The following NRG4 variants were observed in gnomAD, a reference collection of about 807,000 sequenced individuals.
The protein encoded by NRG4 is pro-neuregulin-4, membrane-bound isoform.
In NRG4, 10 loss-of-function variants were observed where a neutral mutation model predicts 15.0. That is an observed-to-expected ratio of 0.67 (90% CI 0.41 to 1.13). The LOEUF is 1.13. Among genes scored for constraint, NRG4 ranks in the 50% most tolerant of loss-of-function variants. The probability of loss-of-function intolerance (pLI) is 0.00; values close to 1 mark genes in which losing one functional copy is unlikely to be tolerated. For synonymous variants in NRG4, 41 were observed against 50.1 expected (o/e 0.82, Z 0.77); for missense variants, 139 against 140.2 (o/e 0.99, Z 0.04).
At chr15:75,980,244 A>G (rs1447989607) in intron 3 of NRG4, among the ~76,000 whole-genome samples, 4 of 152,246 alleles carry the variant, frequency 2.6e-5, no homozygotes, top group Non-Finnish European at 4.4e-5. Flanking sequence ...AAAGCACACA[A>G]GAAACTTTCA....
At chr15:75,960,356 G>C (rs2032455361) in intron 4 of NRG4, among the ~76,000 whole-genome samples, 1 of 152,036 alleles carries the variant, frequency 6.6e-6, no homozygotes, top group Non-Finnish European at 1.5e-5. Flanking sequence ...TGGGTGTTCT[G>C]GTTATCTACT....
chr15:75,945,468 C>T (rs2031445197), intron 5 of NRG4, among the ~76,000 whole-genome samples: 1 of 152,048 alleles, frequency 6.6e-6, no homozygotes, highest in African/African-American at 2.4e-5. Context: ...CCAGGCTGGT[C>T]TCGAACTCCT....
At chr15:76,022,588 A>G (rs922682218) in intron 5 of NRG4, among the ~76,000 whole-genome samples, 2 of 152,226 alleles carry the variant, frequency 1.3e-5, no homozygotes, top group African/African-American at 4.8e-5. Flanking sequence ...AGGAAGATCT[A>G]ATGTATTCAA....
intron 3 of NRG4, among the ~76,000 whole-genome samples, chr15:75,964,168 C>T (rs933576319): frequency 5.9e-5 from 9 of 152,026 alleles, no homozygotes; most frequent in Admixed American, 2.0e-4. Flanking sequence ...CACACACACA[C>T]GCACCAATAG....
intron 5 of NRG4, among the ~76,000 whole-genome samples, chr15:76,032,347 G>C (rs1463719581): frequency 2.6e-5 from 4 of 152,028 alleles, no homozygotes; most frequent in African/African-American, 4.8e-5. Flanking sequence ...GAAAACCACA[G>C]TAGAGACCAT....
upstream of NRG4, among the ~76,000 whole-genome samples, chr15:76,017,239 A>G (rs1191109479): frequency 7.7e-6 from 1 of 129,810 alleles, no homozygotes; most frequent in African/African-American, 2.9e-5. Context: ...GTTTCTTTGC[A>G]TATAAGATGG....
chr15:76,019,479 C>A (rs893554174), intron 5 of NRG4, among the ~76,000 whole-genome samples: 1 of 152,174 alleles, frequency 6.6e-6, no homozygotes, highest in Non-Finnish European at 1.5e-5. Context: ...AAACTCAGGG[C>A]CCTGATGGCG....
downstream of NRG4, chr15:75,940,792 CA>C (rs2030878546): frequency 6.8e-6 from 1 of 148,124 alleles, no homozygotes; most frequent in Non-Finnish European, 1.5e-5. Flanking sequence ...GGCTAACTAA[CA>C]AAGTTGCAAC....
chr15:76,049,050 G>GA lies in NRG4; in HGVS notation c.-105+3016dup, dbSNP rs796558649. 8.3e-4 allele frequency among the ~76,000 whole-genome samples: 121 copies of GA among 145,924 alleles called. 3 individuals carry two copies. The highest frequency in any genetic ancestry group is 2.7e-3 in the African/African-American group (104 of 38,786). Reference sequence around the variant, plus strand: ...TAGAGCAATACTCCGTCACATAAAAGAAAAAAAAAATCCAAACAGGATATG... The same window carrying GA: ...TAGAGCAATACTCCGTCACATAAAAGAAAAAAAAAAATCCAAACAGGATATG... On this transcript the variant is annotated intron_variant, in intron 4 of 8. Transcript: ENST00000563910.
At chr15:75,955,364 T>C (rs1385254909) in intron 5 of NRG4, among the ~76,000 whole-genome samples, 1 of 152,198 alleles carries the variant, frequency 6.6e-6, no homozygotes, top group Non-Finnish European at 1.5e-5. Context: ...TTGGCTTACC[T>C]AGTCTATTGC....
chr15:76,051,853 G>A lies in NRG4; in HGVS notation c.-105+214C>T, dbSNP rs189811052. On this transcript the variant is annotated intron_variant, in intron 4 of 8. Coordinates refer to the NRG4 transcript ENST00000563910. Reference sequence around the variant, plus strand: ...CCCAAAGTGCTAGGATTACAGGCGTGAGCCACCGTGCCCAGCCTAATTGAA... The same window carrying A: ...CCCAAAGTGCTAGGATTACAGGCGTAAGCCACCGTGCCCAGCCTAATTGAA... Among the ~76,000 whole-genome samples, 270 of 150,674 alleles carry A rather than the reference G, an allele frequency of 1.8e-3. 2 individuals carry two copies. Among genetic ancestry groups the A allele is most frequent in the African/African-American group, 6.4e-3 (258 of 40,274 alleles).
chr15:76,001,754 TA>T lies in NRG4; in HGVS notation c.104+7445del, dbSNP rs1218506953. Among the ~76,000 whole-genome samples, 10 of 152,334 alleles carry T rather than the reference TA, an allele frequency of 6.6e-5. No homozygotes were observed. In the East Asian group the frequency reaches 7.7e-4, roughly 12 times the overall value. ...TTTAGTACACAGGGAGGAAAAATGT[TA>T]ACAGACATAGAAATGAGAGAAATAT... is the stretch of plus-strand genomic sequence containing the variant. On this transcript the variant is annotated intron_variant, in intron 3 of 5. Coordinates refer to ENST00000394907, the MANE Select transcript of NRG4 (RefSeq NM_138573.4).
At chr15:75,990,686 T>G (rs867682727) in intron 3 of NRG4, among the ~76,000 whole-genome samples, 2 of 131,390 alleles carry the variant, frequency 1.5e-5, no homozygotes, top group South Asian at 4.4e-4. Flanking sequence ...TTTTTTTTGT[T>G]TTTTTTTTTT....
At chr15:76,025,444 A>T (rs945533428) in intron 5 of NRG4, among the ~76,000 whole-genome samples, 1 of 151,984 alleles carries the variant, frequency 6.6e-6, no homozygotes, top group African/African-American at 2.4e-5. Context: ...GTCTCAAAAA[A>T]AAGAGAATAT....
chr15:76,008,887 T>C (rs965366409), intron 3 of NRG4, among the ~76,000 whole-genome samples: 1 of 152,178 alleles, frequency 6.6e-6, no homozygotes, highest in Non-Finnish European at 1.5e-5. Flanking sequence ...GCCAGTAATA[T>C]TAAGCATAGA....
At chr15:75,969,798 G>T (rs143907259) in intron 3 of NRG4, among the ~76,000 whole-genome samples, 2 of 152,156 alleles carry the variant, frequency 1.3e-5, no homozygotes, top group East Asian at 3.8e-4. Flanking sequence ...CAGAAGTAAG[G>T]TTACTAAAAT....
At chr15:76,018,640 T>C (rs1242214219) in intron 5 of NRG4, among the ~76,000 whole-genome samples, 2 of 152,230 alleles carry the variant, frequency 1.3e-5, no homozygotes, top group Non-Finnish European at 2.9e-5. Flanking sequence ...CCTGTTTGTC[T>C]GGGTATCACC....
At chr15:76,013,148 C>G (rs1255525092), upstream of NRG4, among the ~76,000 whole-genome samples, 1 of 152,000 alleles carries the variant, frequency 6.6e-6, no homozygotes, top group Non-Finnish European at 1.5e-5. Flanking sequence ...TGATGTAAAG[C>G]CCAAACTAAT....
At chr15:76,016,780 A>T (rs1007916324), upstream of NRG4, among the ~76,000 whole-genome samples, 21 of 152,148 alleles carry the variant, frequency 1.4e-4, no homozygotes, top group African/African-American at 5.1e-4. Flanking sequence ...GGATAATTGC[A>T]ATGTGGTGCC....
Sources: allele counts gnomAD v4.1 joint callset (sites outside exome capture counted in the v4.1 genomes callset), GRCh38; gene constraint gnomAD v4.1.1; transcripts MANE v1.5; gene names NCBI Gene and HGNC (gene_info 2026-07-23, HGNC 2026-07-21).